PSD2: variants seen among roughly 807,000 people sequenced by gnomAD.
The protein encoded by PSD2 is PH and SEC7 domain-containing protein 2.
A neutral mutation model predicts 69.8 loss-of-function variants in PSD2; 38 were observed. The ratio of observed to expected loss-of-function variants is 0.54; its 90% CI spans 0.42 to 0.71. The LOEUF (loss-of-function observed/expected upper bound fraction) is 0.71. Ranked by LOEUF, PSD2 falls within the 30% of genes least tolerant of loss-of-function variation. PSD2 has a pLI of 0.00. For synonymous variants in PSD2, 412 were observed against 423.0 expected (o/e 0.97, Z 0.32); for missense variants, 943 against 1,014.5 (o/e 0.93, Z 0.96).
the PSD2 span, among the ~76,000 whole-genome samples, chr5:139,786,083 T>C: frequency 1.3e-5 from 2 of 152,132 alleles, no homozygotes; most frequent in East Asian, 3.9e-4. Flanking sequence ...AGTGAGACCC[T>C]GTCTCAAAAT....
At chr5:139,777,688 A>G in the PSD2 span, among the ~76,000 whole-genome samples, 1 of 152,172 alleles carries the variant, frequency 6.6e-6, no homozygotes, top group Non-Finnish European at 1.5e-5. Context: ...GTTCGAGATG[A>G]GCCTGTGCAA....
At chr5:139,823,898 A>G (rs1366261710) in intron 7 of PSD2, among the ~76,000 whole-genome samples, 1 of 152,250 alleles carries the variant, frequency 6.6e-6, no homozygotes, top group African/African-American at 2.4e-5. Flanking sequence ...TCATGGGTGC[A>G]CTGGGGCACC....
chr5:139,807,100 G>A (rs145979473), intron 1 of PSD2, among the ~76,000 whole-genome samples: 1 of 152,328 alleles, frequency 6.6e-6, no homozygotes, highest in East Asian at 1.9e-4. Context: ...GGTGTAGGCT[G>A]AGCATCAAGT....
intron 5 of PSD2, among the ~76,000 whole-genome samples, chr5:139,818,635 C>T (rs1018105845): frequency 6.6e-6 from 1 of 152,154 alleles, no homozygotes; most frequent in African/African-American, 2.4e-5. Context: ...TTTCGGTTGA[C>T]CTGTTTTCAC....
At chr5:139,830,578 CTTTCTTTCTTTCTT>C (rs1760558326) in intron 7 of PSD2, among the ~76,000 whole-genome samples, 3 of 134,866 alleles carry the variant, frequency 2.2e-5, no homozygotes, top group African/African-American at 1.0e-4. Context: ...TTCTTTCTTT[CTTTCTTTCTTTCTT>C]TTTCTTTCTT....
chr5:139,838,222 G>A (rs1760784808), intron 12 of PSD2, among the ~76,000 whole-genome samples: 1 of 152,226 alleles, frequency 6.6e-6, no homozygotes, highest in South Asian at 2.1e-4. Context: ...CTTGCAAGGA[G>A]GCAGGCTAGT....
At chr5:139,772,305 T>G in the PSD2 span, among the ~76,000 whole-genome samples, 2 of 152,178 alleles carry the variant, frequency 1.3e-5, no homozygotes, top group African/African-American at 4.8e-5. Flanking sequence ...CTTTATATTG[T>G]GGCTAATGAC....
At chr5:139,742,917 G>A in the PSD2 span, among the ~76,000 whole-genome samples, 1 of 152,232 alleles carries the variant, frequency 6.6e-6, no homozygotes, top group Non-Finnish European at 1.5e-5. Flanking sequence ...AGTCCCTTAA[G>A]GGCTGGTTGG....
the PSD2 span, chr5:139,746,229 C>G: frequency 6.6e-6 from 1 of 152,262 alleles, no homozygotes; most frequent in South Asian, 2.1e-4. The surrounding 1 kb of genome is among the most constrained non-coding windows in gnomAD (Gnocchi z 4.5). Context: ...TCCCCCACCC[C>G]CAGCGGGGGG....
intron 5 of PSD2, among the ~76,000 whole-genome samples, chr5:139,818,292 C>T (rs1225542446): frequency 6.6e-6 from 1 of 152,178 alleles, no homozygotes; most frequent in Non-Finnish European, 1.5e-5. Context: ...TACCTGTAAT[C>T]CCAGCACTTT....
At chr5:139,816,798 C>T (rs181089858) in intron 4 of PSD2, among the ~76,000 whole-genome samples, 1 of 152,336 alleles carries the variant, frequency 6.6e-6, no homozygotes, top group East Asian at 1.9e-4. Flanking sequence ...GTGCCCTCTC[C>T]TGTTGCATGG....
chr5:139,842,257 T>C lies in PSD2; in HGVS notation c.2113-14T>C. The stretch of plus-strand genomic sequence containing the variant: ...TTTTGTTGTCTTTTGACCTTGTGTT[T>C]GGCCTTTCCCCAGAAAAGCCGTTAT... On this transcript the variant is annotated splice_polypyrimidine_tract_variant and intron_variant, in intron 14 of 14. Transcript: ENST00000274710. The C allele has an allele frequency of 6.2e-7, 1 of 1,611,384 alleles. No individual in the cohort carries two copies.
chr5:139,758,373 G>T, the PSD2 span, among the ~76,000 whole-genome samples: 1 of 152,220 alleles, frequency 6.6e-6, no homozygotes. Flanking sequence ...AGGCCTGAAA[G>T]AATAGTGCAC....
At chr5:139,756,353 G>A in the PSD2 span, among the ~76,000 whole-genome samples, 2 of 152,262 alleles carry the variant, frequency 1.3e-5, no homozygotes, top group African/African-American at 4.8e-5. Flanking sequence ...GCGCTGGAGG[G>A]AGTGGGGTTG....
the PSD2 span, among the ~76,000 whole-genome samples, chr5:139,765,499 C>T: frequency 0.1 from 15,560 of 152,272 alleles, 1,052 homozygotes; most frequent in African/African-American, 0.19. Context: ...ACTACAATCT[C>T]GTTCTGCCCA....
At position 139,842,313 on chromosome 5, in the gene PSD2, A is replaced by G. The variant is rs1760890977; in HGVS notation, c.2155A>G (p.Ile719Val). Residue 719 changes from isoleucine (I) to valine (V), a missense_variant, in exon 15 of 15, where the codon ATC becomes GTC. Transcript: ENST00000274710. Reference sequence around the variant, plus strand: ...CTATATCCACCTCCTGGCTATGAAAATCAAAGTGGGCTCAGATGATCTGGA... The same window carrying G: ...CTATATCCACCTCCTGGCTATGAAAGTCAAAGTGGGCTCAGATGATCTGGA... ...ETYIHLLAMK[I>V]KVGSDDLERI... 6.2e-7 allele frequency: 1 copy of G among 1,614,072 alleles called. No individual in the cohort carries two copies. The highest frequency in any genetic ancestry group is 1.7e-5 in the Admixed American group (1 of 60,002).
At chr5:139,774,540 G>A in the PSD2 span, among the ~76,000 whole-genome samples, 1 of 152,162 alleles carries the variant, frequency 6.6e-6, no homozygotes, top group Non-Finnish European at 1.5e-5. Context: ...ACCCAGGCTG[G>A]AGTGCAGTGG....
At chr5:139,824,348 G>GTT (rs1760354782) in intron 7 of PSD2, among the ~76,000 whole-genome samples, 1 of 150,444 alleles carries the variant, frequency 6.6e-6, no homozygotes, top group Non-Finnish European at 1.5e-5. Context: ...TGGGATGAGT[G>GTT]TTCATGTTTG....
chr5:139,758,192 G>A, the PSD2 span, among the ~76,000 whole-genome samples: 1 of 152,182 alleles, frequency 6.6e-6, no homozygotes, highest in Non-Finnish European at 1.5e-5. Context: ...GGTGGAGCGT[G>A]CTTTCTGCAT....
Sources: gnomAD v4.1 joint callset for allele counts (sites outside exome capture counted in the v4.1 genomes callset) on GRCh38, gnomAD v4.1.1 for gene constraint, Gnocchi (gnomAD v3.1) non-coding constraint, MANE v1.5 for transcripts, NCBI Gene and HGNC (gene_info 2026-07-23, HGNC 2026-07-21) for gene names.